SPATA6: variants seen among roughly 807,000 people sequenced by gnomAD.
SPATA6 encodes spermatogenesis-associated protein 6.
Under a neutral mutation model 65.3 loss-of-function variants are expected in SPATA6, and 56 were observed. The observed-to-expected ratio is 0.86, with a 90% CI of 0.69 to 1.07. The LOEUF is 1.07. Among genes scored for constraint, SPATA6 ranks in the 50% least tolerant of loss-of-function variants. The pLI, the probability that SPATA6 is intolerant of heterozygous loss-of-function variation, is 0.00. For missense variants in SPATA6, 590 were observed against 594.8 expected, an observed-to-expected ratio of 0.99 and a Z score of 0.08; for synonymous variants, 199 against 213.2, an observed-to-expected ratio of 0.93 and a Z score of 0.58.
intron 3 of SPATA6, among the ~76,000 whole-genome samples, chr1:48,430,420 G>C (rs1449973657): frequency 6.6e-6 from 1 of 151,894 alleles, no homozygotes; most frequent in African/African-American, 2.4e-5. Flanking sequence ...GATGTCCCCC[G>C]ATAAATAAAA....
At chr1:48,368,474 C>T (rs1378382110) in intron 9 of SPATA6, among the ~76,000 whole-genome samples, 1 of 152,236 alleles carries the variant, frequency 6.6e-6, no homozygotes, top group African/African-American at 2.4e-5. Flanking sequence ...TCCCACATTT[C>T]TTGGAGACTT....
intron 3 of SPATA6, among the ~76,000 whole-genome samples, chr1:48,427,991 C>T (rs1557697401): frequency 6.6e-6 from 1 of 152,144 alleles, no homozygotes; most frequent in Non-Finnish European, 1.5e-5. Flanking sequence ...ATTTGGTTTT[C>T]TGCTTTTGCA....
At chr1:48,364,228 T>C (rs1007183106) in intron 9 of SPATA6, among the ~76,000 whole-genome samples, 1 of 152,218 alleles carries the variant, frequency 6.6e-6, no homozygotes, top group Non-Finnish European at 1.5e-5. Context: ...TGGTTCCAAG[T>C]CTTTGCTATG....
chr1:48,365,604 A>G (rs186059286), intron 9 of SPATA6, among the ~76,000 whole-genome samples: 3,755 of 152,106 alleles, frequency 0.025, 100 homozygotes, highest in African/African-American at 0.067. Flanking sequence ...TTTGTCTGTT[A>G]TTGGTGTATA....
intron 3 of SPATA6, among the ~76,000 whole-genome samples, chr1:48,438,466 TC>T (rs772177688): frequency 3.4e-4 from 51 of 152,186 alleles, no homozygotes; most frequent in Non-Finnish European, 6.0e-4. Flanking sequence ...CCCCAACTCT[TC>T]AAAGTTGGCA....
chr1:48,459,151 G>A (rs1212187322), intron 1 of SPATA6, among the ~76,000 whole-genome samples: 1 of 130,188 alleles, frequency 7.7e-6, no homozygotes, highest in African/African-American at 3.0e-5. Flanking sequence ...GTCGCAGTGA[G>A]ACAAGATCGC....
At chr1:48,331,407 A>C (rs1645910681) in intron 11 of SPATA6, among the ~76,000 whole-genome samples, 1 of 152,050 alleles carries the variant, frequency 6.6e-6, no homozygotes, top group Non-Finnish European at 1.5e-5. Context: ...AAAGAAAAAA[A>C]AAAAACCTAC....
At chr1:48,395,753 T>C (rs1172456591) in intron 7 of SPATA6, among the ~76,000 whole-genome samples, 1 of 151,912 alleles carries the variant, frequency 6.6e-6, no homozygotes, top group Non-Finnish European at 1.5e-5. Context: ...AAACAGTCTT[T>C]ATTTGGCTGC....
intron 11 of SPATA6, among the ~76,000 whole-genome samples, chr1:48,345,470 G>A (rs1021462536): frequency 6.6e-6 from 1 of 151,812 alleles, no homozygotes; most frequent in African/African-American, 2.4e-5. Context: ...TCCCAAAGCA[G>A]GCAGAAGACA....
chr1:48,404,027 A>G, intron 5 of SPATA6, 145 bp from the exon 6 acceptor site: 1 of 565,896 alleles, frequency 1.8e-6, no homozygotes, highest in Non-Finnish European at 3.1e-6. Context: ...AAAGATAAAG[A>G]CAACATAGTA....
chr1:48,363,751 GA>G (rs1646895838), intron 9 of SPATA6, among the ~76,000 whole-genome samples: 2 of 148,228 alleles, frequency 1.3e-5, no homozygotes, highest in Admixed American at 1.3e-4. Context: ...GGTAAAAAAG[GA>G]AACTTCTTTT....
chr1:48,408,252 G>A (rs1182101226), intron 5 of SPATA6, among the ~76,000 whole-genome samples: 1 of 152,080 alleles, frequency 6.6e-6, no homozygotes. Flanking sequence ...AGTTTTAAAG[G>A]TCTATCCAAA....
chr1:48,397,747 T>G (rs548230744), intron 7 of SPATA6, among the ~76,000 whole-genome samples: 1 of 151,770 alleles, frequency 6.6e-6, no homozygotes, highest in South Asian at 2.1e-4. Flanking sequence ...CTTTCCTATT[T>G]AATAATGTAA....
At chr1:48,417,520 T>C (rs972717518) in intron 3 of SPATA6, among the ~76,000 whole-genome samples, 1 of 152,092 alleles carries the variant, frequency 6.6e-6, no homozygotes, top group Non-Finnish European at 1.5e-5. Flanking sequence ...ATTTTAAAAA[T>C]TATAAAACAG....
At chr1:48,445,461 C>T (rs968624279) in intron 3 of SPATA6, among the ~76,000 whole-genome samples, 1 of 151,942 alleles carries the variant, frequency 6.6e-6, no homozygotes, top group Non-Finnish European at 1.5e-5. Flanking sequence ...CAGATCGAGA[C>T]CATCCTGGCT....
chr1:48,375,087 A>C (rs1477606950), intron 9 of SPATA6, among the ~76,000 whole-genome samples: 1 of 152,170 alleles, frequency 6.6e-6, no homozygotes, highest in African/African-American at 2.4e-5. Context: ...TCAACTTAGA[A>C]ATACCAAATT....
intron 3 of SPATA6, among the ~76,000 whole-genome samples, chr1:48,414,116 G>A (rs1333702777): frequency 1.3e-5 from 2 of 152,108 alleles, no homozygotes; most frequent in Admixed American, 6.6e-5. Context: ...TGTGTGGGTC[G>A]CCTGAACTGA....
chr1:48,284,305 G>T, the SPATA6 span, among the ~76,000 whole-genome samples: 1 of 151,968 alleles, frequency 6.6e-6, no homozygotes, highest in South Asian at 2.1e-4. Context: ...TCTTTAAACT[G>T]GTTATTCTAG....
chr1:48,423,970 TCTC>T (rs1385423873), intron 3 of SPATA6, among the ~76,000 whole-genome samples: 4 of 152,214 alleles, frequency 2.6e-5, no homozygotes, highest in African/African-American at 9.6e-5. Flanking sequence ...GGGGTATCCA[TCTC>T]CTCAAGCATT....
Sources: gnomAD v4.1 joint callset for allele counts (sites outside exome capture counted in the v4.1 genomes callset) on GRCh38, gnomAD v4.1.1 for gene constraint, MANE v1.5 for transcripts, NCBI Gene and HGNC (gene_info 2026-07-23, HGNC 2026-07-21) for gene names.